The following DCUN1D2 variants were observed in gnomAD, a reference collection of about 807,000 sequenced individuals.
DCUN1D2 encodes defective in cullin neddylation 1 domain containing 2.
A neutral mutation model predicts 30.9 loss-of-function variants in DCUN1D2; 29 were observed. That is an observed-to-expected ratio of 0.94 (90% CI 0.70 to 1.28). DCUN1D2 has a LOEUF of 1.28. DCUN1D2 is among the 50% of genes most tolerant of loss of function. The pLI is 0.00. For missense variants in DCUN1D2, 325 were observed against 316.9 expected, an observed-to-expected ratio of 1.03 and a Z score of -0.19; for synonymous variants, 121 against 115.3, an observed-to-expected ratio of 1.05 and a Z score of -0.32.
intron 3 of DCUN1D2, among the ~76,000 whole-genome samples, chr13:113,477,620 C>T (rs992481687): frequency 1.2e-4 from 18 of 151,838 alleles, no homozygotes; most frequent in African/African-American, 4.4e-4. Context: ...CTTACAATTC[C>T]AGTAAGTATA....
intron 4 of DCUN1D2, among the ~76,000 whole-genome samples, chr13:113,465,587 C>A (rs2044388027): frequency 6.6e-6 from 1 of 151,754 alleles, no homozygotes; most frequent in East Asian, 1.9e-4. Context: ...GTGGCCCTGT[C>A]CTTACCAAGT....
In DCUN1D2 at chr13:113,480,488, T is replaced by C; in HGVS notation, c.389+87A>G. On this transcript the variant is annotated intron_variant, in intron 3 of 6. Transcript: ENST00000478244. ...GATACACAAAGAAAATAAGCAGATA[T>C]GAAATTAGTATGTACAGGTTGCTGA... 2.1e-6 allele frequency: 3 copies of C among 1,408,502 alleles called. 1 individual carries two copies. The highest frequency in any genetic ancestry group is 2.6e-5 in the South Asian group (2 of 77,674). 87.3% of individuals were successfully genotyped at this position (1,408,502 alleles called of 1,614,324 possible).
At chr13:113,475,184 C>T (rs1050191937) in intron 3 of DCUN1D2, among the ~76,000 whole-genome samples, 1 of 152,148 alleles carries the variant, frequency 6.6e-6, no homozygotes. Flanking sequence ...CTCAGTCCTG[C>T]GCGCAGTCAC....
In DCUN1D2 at chr13:113,488,860, G is replaced by C. The variant is rs984339371; in HGVS notation, c.3+1807C>G. Among the ~76,000 whole-genome samples, 1 of 152,176 alleles carries C rather than the reference G, an allele frequency of 6.6e-6. No homozygotes were observed. Among genetic ancestry groups the C allele is most frequent in the Non-Finnish European group, 1.5e-5 (1 of 68,036 alleles). ...CTTTTAAAGTGTGTACATGGGGTGG[G>C]GGGAAGGCATTTTCTAGGTTTCATT... On this transcript the variant is annotated intron_variant, in intron 1 of 6. Transcript: ENST00000478244. This position sits in a 1 kb window ranked among gnomAD's most constrained non-coding sequence, Gnocchi z 4.3.
In DCUN1D2 at chr13:113,480,756, T is replaced by C. The variant is rs376665865; in HGVS notation, c.221-13A>G. 3 of 1,612,276 alleles carry C rather than the reference T, an allele frequency of 1.9e-6. No homozygotes were observed. The African/African-American group carries it at 4.0e-5, about 22-fold the overall frequency. On this transcript the variant is annotated splice_polypyrimidine_tract_variant and intron_variant, in intron 2 of 6. Transcript: ENST00000478244. ...TCATCTTGTGGATCTGTAGTTAATA[T>C]CAGGGGAAAAGGAAGTTATACTATT...
chr13:113,455,937 A>G lies in DCUN1D2; in HGVS notation c.*2092T>C, dbSNP rs895957864. Reference sequence around the variant, plus strand: ...TGGAAAAGCCTTTGTCCAATGATTAATATTTTGATATCTATTGACAATCCC... The same window carrying G: ...TGGAAAAGCCTTTGTCCAATGATTAGTATTTTGATATCTATTGACAATCCC... On this transcript the variant is annotated 3_prime_UTR_variant, in exon 7 of 7. Transcript: ENST00000478244. The G allele has an allele frequency of 1.5e-5, 5 of 329,724 alleles. No individual in the cohort carries two copies. The highest frequency in any genetic ancestry group is 4.7e-5 in the East Asian group (1 of 21,190). 20.4% of individuals were successfully genotyped at this position (329,724 alleles called of 1,614,324 possible). A position where few individuals can be genotyped will look rare whatever the true frequency, so the allele number is the denominator to read the frequency against.
intron 4 of DCUN1D2, among the ~76,000 whole-genome samples, chr13:113,461,783 T>C (rs1204031441): frequency 2.0e-5 from 3 of 152,358 alleles, no homozygotes; most frequent in South Asian, 4.1e-4. Context: ...ACGACTTCTA[T>C]ATAAATCTCT....
At chr13:113,486,099 T>C (rs1448229168) in intron 1 of DCUN1D2, among the ~76,000 whole-genome samples, 1 of 150,660 alleles carries the variant, frequency 6.6e-6, no homozygotes, top group Non-Finnish European at 1.5e-5. Flanking sequence ...TAAGAATGAC[T>C]GGGGTTCCAA....
chr13:113,463,700 C>T (rs1483168058), intron 4 of DCUN1D2, among the ~76,000 whole-genome samples: 1 of 152,076 alleles, frequency 6.6e-6, no homozygotes, highest in Non-Finnish European at 1.5e-5. Context: ...TACATAAAAA[C>T]AATACAGTAC....
intron 2 of DCUN1D2, among the ~76,000 whole-genome samples, chr13:113,482,551 A>C (rs1428287065): frequency 6.6e-6 from 1 of 152,234 alleles, no homozygotes; most frequent in Non-Finnish European, 1.5e-5. Context: ...TTCTGAGCCA[A>C]GATTTTTTAA....
At position 113,479,359 on chromosome 13, in the gene DCUN1D2, T is replaced by G. The variant is rs188597038; in HGVS notation, c.389+1216A>C. On this transcript the variant is annotated intron_variant, in intron 3 of 6. Transcript: ENST00000478244. ...ACTGCCTTCTTGGTGAGATAAGCCC[T>G]TTATCATTATGAAATGGTCCTCCTT... 1.5e-3 allele frequency among the ~76,000 whole-genome samples: 227 copies of G among 152,320 alleles called. 3 individuals carry two copies. Among genetic ancestry groups the G allele is most frequent in the Non-Finnish European group, 2.3e-3 (158 of 68,028 alleles).
intron 5 of DCUN1D2, among the ~76,000 whole-genome samples, chr13:113,460,715 T>G (rs74525455): frequency 0.024 from 3,662 of 152,252 alleles, 96 homozygotes; most frequent in East Asian, 0.12. Flanking sequence ...GAGTTCTCAG[T>G]GGAAAGACAG....
chr13:113,490,965 C>G (rs539347722), upstream of DCUN1D2: 1 of 192,968 alleles, frequency 5.2e-6, no homozygotes, highest in South Asian at 1.9e-4. This position sits in a 1 kb window ranked among gnomAD's most constrained non-coding sequence, Gnocchi z 5.2. Context: ...CCGCCCGCGG[C>G]CGACGGGACC....
chr13:113,477,389 G>A (rs750932497), intron 3 of DCUN1D2, among the ~76,000 whole-genome samples: 9 of 150,586 alleles, frequency 6.0e-5, no homozygotes, highest in East Asian at 3.9e-4. Context: ...TGAAGATACC[G>A]AAAGATGACG....
rs532300970 is a variant in DCUN1D2, at chr13:113,481,840, T to C, written c.221-1097A>G. ...TGGAGGTTGCAGTGAGCCAAGATCA[T>C]GCCATTGCACTCCAGCCTGGGTGAC... is the stretch of plus-strand genomic sequence containing the variant. On this transcript the variant is annotated intron_variant, in intron 2 of 6. Transcript: ENST00000478244. 2.1e-5 allele frequency among the ~76,000 whole-genome samples: 3 copies of C among 141,978 alleles called. No individual in the cohort carries two copies. In the East Asian group the frequency reaches 6.1e-4, roughly 29 times the overall value. The allele number at this position is 141,978 out of a possible 152,430, so 93.1% of individuals were successfully genotyped here. A position where few individuals can be genotyped will look rare whatever the true frequency, so the allele number is the denominator to read the frequency against.
chr13:113,471,973 G>C (rs923484773), intron 4 of DCUN1D2, among the ~76,000 whole-genome samples: 7 of 152,146 alleles, frequency 4.6e-5, no homozygotes, highest in Non-Finnish European at 8.8e-5. Context: ...CTGTGTGCCT[G>C]GAAAACAAAG....
intron 2 of DCUN1D2, among the ~76,000 whole-genome samples, chr13:113,481,095 T>G (rs1337772818): frequency 1.3e-5 from 2 of 152,202 alleles, no homozygotes; most frequent in Non-Finnish European, 2.9e-5. Context: ...GGCAAACTGC[T>G]ATAAAATATA....
intron 4 of DCUN1D2, among the ~76,000 whole-genome samples, chr13:113,469,489 G>A (rs1266755397): frequency 1.3e-5 from 2 of 151,992 alleles, no homozygotes; most frequent in Admixed American, 6.6e-5. Flanking sequence ...AGACCAGCCC[G>A]GGCAACACAG....
At chr13:113,466,909 C>T (rs1264314759) in intron 4 of DCUN1D2, among the ~76,000 whole-genome samples, 2 of 151,668 alleles carry the variant, frequency 1.3e-5, no homozygotes, top group Admixed American at 1.3e-4. Context: ...TGGGTTCACG[C>T]CATTCTCCTG....
Sources: gnomAD v4.1 joint callset for allele counts (sites outside exome capture counted in the v4.1 genomes callset) on GRCh38, gnomAD v4.1.1 for gene constraint, Gnocchi (gnomAD v3.1) non-coding constraint, MANE v1.5 for transcripts, NCBI Gene and HGNC (gene_info 2026-07-23, HGNC 2026-07-21) for gene names.